PCK1: variants seen among roughly 807,000 people sequenced by gnomAD.
PCK1 encodes the protein phosphoenolpyruvate carboxykinase 1, also known as phosphoenolpyruvate carboxykinase, cytosolic [GTP].
PCK1 carries 44 observed loss-of-function variants against 50.3 expected under a neutral mutation model. The ratio of observed to expected loss-of-function variants is 0.87; its 90% CI spans 0.69 to 1.12. The LOEUF (loss-of-function observed/expected upper bound fraction) is 1.12. Among genes scored for constraint, PCK1 ranks in the 50% most tolerant of loss-of-function variants. PCK1 has a pLI of 0.00. For synonymous variants in PCK1, 332 were observed against 314.3 expected (o/e 1.06, Z -0.59); for missense variants, 790 against 815.0 (o/e 0.97, Z 0.37).
chr20:57,564,856 T>G, intron 8 of PCK1, 184 bp from the exon 9 acceptor site: 2 of 636,710 alleles, frequency 3.1e-6, no homozygotes, highest in Non-Finnish European at 2.7e-6. Flanking sequence ...TTTTACTTTG[T>G]GGCCTCAGTC....
chr20:57,562,010 C>T (rs2070148894), intron 2 of PCK1, 61 bp from the exon 3 acceptor site: 1 of 1,435,618 alleles, frequency 7.0e-7, no homozygotes, highest in African/African-American at 1.4e-5. Flanking sequence ...AGCCACGGTA[C>T]TGAAGGAGAT....
chr20:57,562,582 G>C (rs550621183), intron 3 of PCK1, 114 bp from the exon 4 acceptor site: 1 of 817,504 alleles, frequency 1.2e-6, no homozygotes, highest in East Asian at 2.7e-5. Context: ...GACCAGCAGG[G>C]TGTGGTGGTG....
In PCK1 at chr20:57,562,067, G is replaced by T; in HGVS notation, c.225-4G>T. On this transcript the variant is annotated splice_polypyrimidine_tract_variant and splice_region_variant and intron_variant, in intron 2 of 9. Transcript: ENST00000319441. Reference sequence around the variant, plus strand: ...GGCTGAAAGGAAGCCTGTGATTTTTGCAGCTGGTTGGCTCTCACTGACCCC... The same window carrying T: ...GGCTGAAAGGAAGCCTGTGATTTTTTCAGCTGGTTGGCTCTCACTGACCCC... 4 of 1,610,080 alleles carry T rather than the reference G, an allele frequency of 2.5e-6. No homozygotes were observed. The highest frequency in any genetic ancestry group is 3.4e-6 in the Non-Finnish European group (4 of 1,177,916).
rs754801137 is a variant in PCK1 at position 57,563,551 on chromosome 20, C to A, written c.799-14C>A. On this transcript the variant is annotated splice_polypyrimidine_tract_variant and intron_variant, in intron 5 of 9. Transcript: ENST00000319441. ...GGAAACAAAGATCACAATAAAGAAT[C>A]TTGTCCCCAACAGATTCTGGGTATA... The A allele has an allele frequency of 3.2e-6, 5 of 1,569,168 alleles. No homozygotes were observed.
In PCK1 at chr20:57,563,643, C is replaced by G. The variant is rs2070174522; in HGVS notation, c.877C>G (p.Leu293Val). ...AFPSACGKTNLAMMNPSLPGW... is the reference protein window; with the variant it reads ...AFPSACGKTNVAMMNPSLPGW... The stretch of plus-strand genomic sequence containing the variant: ...TCCCAGCGCCTGCGGGAAGACCAAC[C>G]TGGCCATGATGAACCCCAGCCTCCC... The change falls in exon 6 of 10, where the codon CTG (leucine) becomes GTG (valine). Residue 293 changes from leucine to valine, a missense_variant. Transcript: ENST00000319441. 1 of 1,613,414 alleles carries G rather than the reference C, an allele frequency of 6.2e-7. No homozygotes were observed. The highest frequency in any genetic ancestry group is 1.3e-5 in the African/African-American group (1 of 74,936).
intron 3 of PCK1, 27 bp downstream of exon 3, chr20:57,562,279 T>C (rs1210466450): frequency 6.3e-7 from 1 of 1,591,774 alleles, no homozygotes; most frequent in Non-Finnish European, 8.6e-7. Flanking sequence ...TTTGATTGGG[T>C]AAAACAGCAG....
Position 57,564,238 on chromosome 20 carries a change from AC to A in PCK1, c.1035del (p.Asn346MetfsTer32), listed in dbSNP as rs2070180319. ...GVAPGTSVKT[N>X]PNAIKTIQKN... ...GCTCCTGGGACTTCAGTGAAGACCAACCCCAATGCCATCAAGACCATCCAGA... is the reference window on the plus strand; with the variant it reads ...GCTCCTGGGACTTCAGTGAAGACCAACCCAATGCCATCAAGACCATCCAGA... On this transcript the variant is annotated frameshift_variant, in exon 7 of 10. Coordinates refer to ENST00000319441, the MANE Select transcript of PCK1 (RefSeq NM_002591.4). LOFTEE classifies it high-confidence loss of function. 2 of 1,614,020 alleles carry A rather than the reference AC, an allele frequency of 1.2e-6. No individual in the cohort carries two copies. The highest frequency in any genetic ancestry group is 3.3e-5 in the Admixed American group (2 of 60,010).
intron 8 of PCK1, 103 bp from the exon 9 acceptor site, chr20:57,564,937 A>G: frequency 1.1e-6 from 1 of 869,848 alleles, no homozygotes; most frequent in Non-Finnish European, 1.9e-6. Flanking sequence ...TTACAAAGTT[A>G]TTGTCTTGCC....
rs778520298 is a variant in PCK1, at chr20:57,564,488, C to A, written c.1193C>A (p.Pro398His). 20 of 1,614,064 alleles carry A rather than the reference C, an allele frequency of 1.2e-5. No homozygotes were observed. The highest frequency in any genetic ancestry group is 2.2e-5 in the East Asian group (1 of 44,896). The change falls in exon 8 of 10, where the codon CCT becomes CAT. Residue 398 changes from proline (P) to histidine (H), a missense_variant. Coordinates refer to ENST00000319441, the MANE Select transcript of PCK1 (RefSeq NM_002591.4). ...GCCTTTCTCTGTCTTATAGGGGAAC[C>A]TTGTGCCCACCCCAACTCGAGGTTC... ...NKEWSSEDGE[P>H]CAHPNSRFCT...
In PCK1 at chr20:57,561,352, G is replaced by A. The variant is rs28383583; in HGVS notation, c.-40-20G>A. The A allele has an allele frequency of 0.034, 36,634 of 1,089,806 alleles. 787 individuals carry two copies. Among genetic ancestry groups the A allele is most frequent in the Non-Finnish European group, 0.042 (30,655 of 724,554 alleles). The allele number at this position is 1,089,806 out of a possible 1,614,324, so 67.5% of individuals were successfully genotyped here. Reference sequence around the variant, plus strand: ...GTCTGTTGTTGTTTTTGTTCAGGACGCTTGCGTTTTCTATTTCAGGTGACC... The same window carrying A: ...GTCTGTTGTTGTTTTTGTTCAGGACACTTGCGTTTTCTATTTCAGGTGACC... On this transcript the variant is annotated intron_variant, in intron 1 of 9. Coordinates refer to ENST00000319441, the MANE Select transcript of PCK1 (RefSeq NM_002591.4).
chr20:57,561,534 T>C lies in PCK1; in HGVS notation c.123T>C (p.Asp41=). 6.2e-7 allele frequency: 1 copy of C among 1,613,848 alleles called. No individual in the cohort carries two copies. Among genetic ancestry groups the C allele is most frequent in the Non-Finnish European group, 8.5e-7 (1 of 1,179,822 alleles). Residue 41 remains aspartate, a synonymous_variant, in exon 2 of 10, where the codon GAT becomes GAC. Transcript: ENST00000319441. ...ATAACGCTGAGCTGTGTCAGCCTGA[T>C]CACATCCACATCTGTGACGGCTCTG... ...LENNAELCQP[D]HIHICDGSEE...
At position 57,562,894 on chromosome 20, in the gene PCK1, T is replaced by C. The variant is rs1343007370; in HGVS notation, c.605T>C (p.Leu202Ser). Residue 202 changes from leucine to serine, a missense_variant, in exon 4 of 10, where the codon TTA becomes TCA. Transcript: ENST00000319441. Reference protein sequence around the residue: ...CLHSVGCPLPLQKPLVNNWPC... With the variant: ...CLHSVGCPLPSQKPLVNNWPC... ...CATTCTGTGGGGTGCCCTCTGCCTT[T>C]ACAAAGTAAGTGTATTATTTCAGAA... 9 of 1,608,328 alleles carry C rather than the reference T, an allele frequency of 5.6e-6. No individual in the cohort carries two copies. The highest frequency in any genetic ancestry group is 7.7e-6 in the Non-Finnish European group (9 of 1,174,836).
In PCK1 at chr20:57,565,837, T is replaced by G. The variant is rs964359118; in HGVS notation, c.*33T>G. The G allele has an allele frequency of 1.3e-6, 2 of 1,503,294 alleles. No homozygotes were observed. Among genetic ancestry groups the G allele is most frequent in the African/African-American group, 2.8e-5 (2 of 72,098 alleles). The allele number at this position is 1,503,294 out of a possible 1,614,324, so 93.1% of individuals were successfully genotyped here. A position where few individuals can be genotyped will look rare whatever the true frequency, so the allele number is the denominator to read the frequency against. ...CTGAGTGCTTTACCTTTAAAATCAT[T>G]CCCTTTCCCATCCATAAGGTGCAGT... On this transcript the variant is annotated 3_prime_UTR_variant, in exon 10 of 10. Coordinates refer to ENST00000319441, the MANE Select transcript of PCK1 (RefSeq NM_002591.4).
chr20:57,561,655 C>T lies in PCK1; in HGVS notation c.224+20C>T, dbSNP rs376498384. 1.5e-5 allele frequency: 23 copies of T among 1,532,706 alleles called. No individual in the cohort carries two copies. The highest frequency in any genetic ancestry group is 2.2e-5 in the East Asian group (1 of 44,540). 94.9% of individuals were successfully genotyped at this position (1,532,706 alleles called of 1,614,324 possible). ...CAACTGGTAAGCTCGGCCCCCGCTG[C>T]CTGTCCCAGCACCCTGCAGGCAGGG... On this transcript the variant is annotated intron_variant, in intron 2 of 9. Transcript: ENST00000319441.
chr20:57,563,080 C>G lies in PCK1; in HGVS notation c.663C>G (p.His221Gln), dbSNP rs1568908841. The G allele has an allele frequency of 6.2e-7, 1 of 1,614,138 alleles. No individual in the cohort carries two copies. The highest frequency in any genetic ancestry group is 1.7e-5 in the Admixed American group (1 of 60,036). The part of the protein sequence containing the change: ...PCNPELTLIA[H>Q]LPDRREIISF... ...ACCCGGAGCTGACGCTCATCGCCCA[C>G]CTGCCTGACCGCAGAGAGATCATCT... The change falls in exon 5 of 10, where the codon CAC (histidine) becomes CAG (glutamine). Residue 221 changes from histidine to glutamine, a missense_variant. By Grantham distance (24) the His-to-Gln change is conservative (BLOSUM62 0). Coordinates refer to ENST00000319441, the MANE Select transcript of PCK1 (RefSeq NM_002591.4).
At position 57,561,213 on chromosome 20, in the gene PCK1, G is replaced by A. The variant is rs968062098; in HGVS notation, c.-41+10G>A. The A allele has an allele frequency of 2.3e-5, 12 of 525,166 alleles. No homozygotes were observed. The highest frequency in any genetic ancestry group is 1.5e-4 in the African/African-American group (8 of 52,660). 32.5% of individuals were successfully genotyped at this position (525,166 alleles called of 1,614,324 possible). A position where few individuals can be genotyped will look rare whatever the true frequency, so the allele number is the denominator to read the frequency against. On this transcript the variant is annotated intron_variant, in intron 1 of 9. Transcript: ENST00000319441. The stretch of plus-strand genomic sequence containing the variant: ...TCCAAAGAGAAGAAAGGTAAGTAGA[G>A]CTTTGCATTTACATTTTGAAAAATT...
intron 6 of PCK1, 91 bp from the exon 7 acceptor site, chr20:57,564,078 T>C (rs2070178717): frequency 1.3e-6 from 1 of 799,658 alleles, no homozygotes; most frequent in Non-Finnish European, 2.0e-6. Flanking sequence ...ATTTGAGAAG[T>C]TGGCATAGAA....
chr20:57,566,650 A>G lies in PCK1; in HGVS notation c.*846A>G, dbSNP rs903460976. 2 of 152,144 alleles carry G rather than the reference A, an allele frequency of 1.3e-5. No individual in the cohort carries two copies. The highest frequency in any genetic ancestry group is 2.9e-5 in the Non-Finnish European group (2 of 68,040). 9.4% of individuals were successfully genotyped at this position (152,144 alleles called of 1,614,324 possible). A position where few individuals can be genotyped will look rare whatever the true frequency, so the allele number is the denominator to read the frequency against. On this transcript the variant is annotated 3_prime_UTR_variant, in exon 10 of 10. Transcript: ENST00000319441. Reference sequence around the variant, plus strand: ...ATGGGGAGGAATGAGGCAGGGAACCATGGTTGGGGTTTTCTGAATTTGCTG... The same window carrying G: ...ATGGGGAGGAATGAGGCAGGGAACCGTGGTTGGGGTTTTCTGAATTTGCTG...
intron 2 of PCK1, 109 bp from the exon 3 acceptor site, chr20:57,561,962 C>G: frequency 1.2e-6 from 1 of 816,814 alleles, no homozygotes; most frequent in Non-Finnish European, 2.0e-6. Flanking sequence ...CACTGATGGA[C>G]TGTTGTTAGC....
Sources: gnomAD v4.1 joint callset for allele counts on GRCh38, gnomAD v4.1.1 for gene constraint, MANE v1.5 for transcripts, NCBI Gene and HGNC (gene_info 2026-07-23, HGNC 2026-07-21) for gene names.